ATP6V0C: variants seen among roughly 807,000 people sequenced by gnomAD.
ATP6V0C encodes V-type proton ATPase 16 kDa proteolipid subunit c.
A neutral mutation model predicts 10.6 loss-of-function variants in ATP6V0C; 2 were observed. The observed-to-expected ratio is 0.19, with a 90% CI of 0.08 to 0.59. The LOEUF is 0.59. ATP6V0C is among the 20% of genes least tolerant of loss of function. The pLI, the probability that ATP6V0C is intolerant of heterozygous loss-of-function variation, is 0.90. For missense variants in ATP6V0C, 89 were observed against 225.9 expected (o/e 0.39, Z 3.88); for synonymous variants, 128 against 101.3 (o/e 1.26, Z -1.59).
chr16:2,516,208 G>C (rs1000131528), intron 1 of ATP6V0C, among the ~76,000 whole-genome samples: 32 of 151,116 alleles, frequency 2.1e-4, no homozygotes, highest in African/African-American at 7.1e-4. Flanking sequence ...AACCTCCCAG[G>C]CTCAAGCAAT....
upstream of ATP6V0C, chr16:2,513,804 G>A (rs893610131): frequency 4.6e-6 from 1 of 216,344 alleles, no homozygotes; most frequent in East Asian, 9.5e-5. Context: ...CCGGGCGCCG[G>A]GGCCGGGTCG....
intron 1 of ATP6V0C, 49 bp from the exon 2 acceptor site, chr16:2,519,169 T>C (rs2065894337): frequency 1.3e-6 from 2 of 1,537,882 alleles, no homozygotes; most frequent in Non-Finnish European, 8.8e-7. Flanking sequence ...GGTCCTAGTC[T>C]CAACTGGCCT....
At position 2,519,876 on chromosome 16, in the gene ATP6V0C, T is replaced by G; in HGVS notation, c.*131T>G. The G allele has an allele frequency of 8.1e-7, 1 of 1,236,354 alleles. No individual in the cohort carries two copies. Among genetic ancestry groups the G allele is most frequent in the Non-Finnish European group, 1.2e-6 (1 of 862,888 alleles). 76.6% of individuals were successfully genotyped at this position (1,236,354 alleles called of 1,614,324 possible). ...TTGGTCTTGTACATGCGCAGTGTCC[T>G]AGTGCCCATCGTCTGTTTCCCCGGC... On this transcript the variant is annotated 3_prime_UTR_variant, in exon 3 of 3. Transcript: ENST00000330398.
In ATP6V0C at chr16:2,519,673, C is replaced by T. The variant is rs143553028; in HGVS notation, c.396C>T (p.Ile132=). 2.5e-6 allele frequency: 4 copies of T among 1,612,238 alleles called. No individual in the cohort carries two copies. The African/African-American group carries it at 4.0e-5, about 16-fold the overall frequency. The change falls in exon 3 of 3, where the codon ATC becomes ATT. Residue 132 remains isoleucine (I), a synonymous_variant. Transcript: ENST00000330398. ...AQQPRLFVGM[I]LILIFAEVLG... ...AGCCCCGACTATTCGTGGGCATGAT[C>T]CTGATTCTCATCTTCGCCGAGGTGC...
intron 1 of ATP6V0C, chr16:2,518,953 A>G (rs1262779153): frequency 2.2e-6 from 1 of 458,560 alleles, no homozygotes; most frequent in Non-Finnish European, 3.9e-6. Context: ...ACGCCGCCCC[A>G]AGAGCTGCTG....
chr16:2,517,194 C>G (rs1355746782), intron 1 of ATP6V0C: 1 of 152,414 alleles, frequency 6.6e-6, no homozygotes, highest in Non-Finnish European at 1.5e-5. Flanking sequence ...GCTCTATATG[C>G]TTGCCAGGGA....
Position 2,514,042 on chromosome 16 carries a change from C to G in ATP6V0C, c.-62C>G, listed in dbSNP as rs1055316256. 1.8e-5 allele frequency: 27 copies of G among 1,473,440 alleles called. No individual in the cohort carries two copies. The highest frequency in any genetic ancestry group is 2.1e-4 in the Middle Eastern group (1 of 4,766). The allele number at this position is 1,473,440 out of a possible 1,614,324, so 91.3% of individuals were successfully genotyped here. The stretch of plus-strand genomic sequence containing the variant: ...CCGCAAACCTTCGTGCCCGGCCCGT[C>G]CTCGCCCCCGCCTCCGCCACCGCCT... On this transcript the variant is annotated 5_prime_UTR_variant, in exon 1 of 3. Coordinates refer to ENST00000330398, the MANE Select transcript of ATP6V0C (RefSeq NM_001694.4).
At chr16:2,517,713 TTGTGTGTGTGTGTGTGTGTGTGTGTG>T (rs142726423) in intron 1 of ATP6V0C, 4 of 141,516 alleles carry the variant, frequency 2.8e-5, no homozygotes, top group African/African-American at 1.1e-4. Context: ...GTCAGGCTGT[TTGTGTGTGTGTGTGTGTGTGTGTGTG>T]TGTGTGTGTG....
Position 2,519,548 on chromosome 16 carries a change from C to T in ATP6V0C, c.271C>T (p.Leu91Phe). ...CTCTCTTCTCGCCCCCAGGAGCTTC[C>T]TCCAGCTGGGCGCCGGCCTGAGCGT... is the stretch of plus-strand genomic sequence containing the variant. ...NDDISLYKSF[L>F]QLGAGLSVGL... Residue 91 changes from leucine to phenylalanine, a missense_variant, in exon 3 of 3, where the codon CTC (leucine) becomes TTC (phenylalanine). Coordinates refer to ENST00000330398, the MANE Select transcript of ATP6V0C (RefSeq NM_001694.4). 1 of 1,548,894 alleles carries T rather than the reference C, an allele frequency of 6.5e-7. No individual in the cohort carries two copies. Among genetic ancestry groups the T allele is most frequent in the Non-Finnish European group, 8.7e-7 (1 of 1,144,636 alleles).
At chr16:2,515,593 C>T (rs1326390127) in intron 1 of ATP6V0C, among the ~76,000 whole-genome samples, 5 of 152,156 alleles carry the variant, frequency 3.3e-5, no homozygotes, top group African/African-American at 4.8e-5. Context: ...CCCCTAGGCA[C>T]CGCCTGCTCT....
chr16:2,514,100 A>C lies in ATP6V0C; in HGVS notation c.-4A>C. 6.4e-7 allele frequency: 1 copy of C among 1,574,460 alleles called. No individual in the cohort carries two copies. The highest frequency in any genetic ancestry group is 1.2e-5 in the South Asian group (1 of 86,220). Reference sequence around the variant, plus strand: ...CAGAGCTTGCCCCCTCCCCACCCGCAGACATGTCCGAGTCCAAGAGCGGCC... The same window carrying C: ...CAGAGCTTGCCCCCTCCCCACCCGCCGACATGTCCGAGTCCAAGAGCGGCC... On this transcript the variant is annotated 5_prime_UTR_variant, in exon 1 of 3. Coordinates refer to ENST00000330398, the MANE Select transcript of ATP6V0C (RefSeq NM_001694.4).
chr16:2,516,253 C>T (rs1430173679), intron 1 of ATP6V0C, among the ~76,000 whole-genome samples: 1 of 152,008 alleles, frequency 6.6e-6, no homozygotes. Context: ...ACTAGGACTA[C>T]AGGCACAGGC....
intron 1 of ATP6V0C, among the ~76,000 whole-genome samples, chr16:2,514,609 G>T (rs1038766721): frequency 5.3e-5 from 8 of 152,172 alleles, no homozygotes; most frequent in African/African-American, 1.4e-4. Context: ...GCGCGGGTCC[G>T]GCCCAGGAAC....
intron 1 of ATP6V0C, 184 bp downstream of exon 1, chr16:2,514,366 C>T (rs1291773185): frequency 4.3e-6 from 2 of 470,456 alleles, no homozygotes; most frequent in Non-Finnish European, 6.6e-6. Context: ...GCCGGGGGTC[C>T]GGGGCGCAGG....
chr16:2,514,962 T>TC (rs1334611172), intron 1 of ATP6V0C, among the ~76,000 whole-genome samples: 1 of 152,056 alleles, frequency 6.6e-6, no homozygotes, highest in Non-Finnish European at 1.5e-5. Flanking sequence ...GGCATGGGTG[T>TC]CCGAGTTTAT....
Position 2,519,847 on chromosome 16 carries a change from G to T in ATP6V0C, c.*102G>T. Reference sequence around the variant, plus strand: ...CATACGCACGGGGCCGCCGCCCCCAGTAGTTGGTCTTGTACATGCGCAGTG... The same window carrying T: ...CATACGCACGGGGCCGCCGCCCCCATTAGTTGGTCTTGTACATGCGCAGTG... On this transcript the variant is annotated 3_prime_UTR_variant, in exon 3 of 3. Coordinates refer to ENST00000330398, the MANE Select transcript of ATP6V0C (RefSeq NM_001694.4). 1 of 1,463,214 alleles carries T rather than the reference G, an allele frequency of 6.8e-7. No individual in the cohort carries two copies. The highest frequency in any genetic ancestry group is 9.5e-7 in the Non-Finnish European group (1 of 1,055,700). 90.6% of individuals were successfully genotyped at this position (1,463,214 alleles called of 1,614,324 possible).
At chr16:2,518,894 C>T in intron 1 of ATP6V0C, 2 of 331,338 alleles carry the variant, frequency 6.0e-6, no homozygotes, top group South Asian at 9.9e-5. Context: ...CTGAGGCTCC[C>T]TGGGGTGACA....
intron 1 of ATP6V0C, chr16:2,516,631 G>A (rs1318403695): frequency 6.6e-6 from 1 of 152,388 alleles, no homozygotes; most frequent in African/African-American, 2.4e-5. Context: ...GCAGGCCCCC[G>A]TCCCAGCTTC....
At chr16:2,515,885 G>T (rs184136872) in intron 1 of ATP6V0C, among the ~76,000 whole-genome samples, 191 of 152,218 alleles carry the variant, frequency 1.3e-3, no homozygotes, top group African/African-American at 3.6e-3. Context: ...TGTCCACCAA[G>T]CCCTTTTTCT....
Sources: allele counts gnomAD v4.1 joint callset (sites outside exome capture counted in the v4.1 genomes callset), GRCh38; gene constraint gnomAD v4.1.1; transcripts MANE v1.5; gene names NCBI Gene and HGNC (gene_info 2026-07-23, HGNC 2026-07-21).